Variants in GK5 observed in about 807,000 individuals in gnomAD.
The protein encoded by GK5 is glycerol kinase 5, also known as ATP:glycerol 3-phosphotransferase 5.
GK5 carries 39 observed loss-of-function variants against 77.3 expected under a neutral mutation model. The ratio of observed to expected loss-of-function variants is 0.50; its 90% CI spans 0.39 to 0.66. GK5 has a LOEUF of 0.66. Among genes scored for constraint, GK5 ranks in the 30% least tolerant of loss-of-function variants. The pLI is 0.00. For missense variants in GK5, 487 were observed against 633.8 expected (o/e 0.77, Z 2.49); for synonymous variants, 211 against 208.0 (o/e 1.01, Z -0.13).
chr3:142,210,801 C>T (rs1577146649), intron 3 of GK5, among the ~76,000 whole-genome samples: 1 of 152,248 alleles, frequency 6.6e-6, no homozygotes, highest in Admixed American at 6.5e-5. Flanking sequence ...AAAAACTCTG[C>T]TTCCTAATAT....
At chr3:142,212,923 C>T (rs2064213029) in intron 3 of GK5, among the ~76,000 whole-genome samples, 1 of 150,228 alleles carries the variant, frequency 6.7e-6, no homozygotes, top group Admixed American at 6.6e-5. Flanking sequence ...AGGCTCCGCC[C>T]CCTGGGGTTC....
rs1025248743 is a variant in GK5 at position 142,158,703 on chromosome 3, C to T, written c.*6919G>A. On this transcript the variant is annotated 3_prime_UTR_variant, in exon 16 of 16. Coordinates refer to ENST00000392993, the MANE Select transcript of GK5 (RefSeq NM_001039547.3). ...TGGAATCTACATTTACCATCTTGTA[C>T]AAATAGGAAAGTTTCTAATAACTTA... 1 of 152,480 alleles carries T rather than the reference C, an allele frequency of 6.6e-6. No homozygotes were observed. The highest frequency in any genetic ancestry group is 2.4e-5 in the African/African-American group (1 of 41,412). 9.4% of individuals were successfully genotyped at this position (152,480 alleles called of 1,614,324 possible). A position where few individuals can be genotyped will look rare whatever the true frequency, so the allele number is the denominator to read the frequency against.
chr3:142,179,607 A>G (rs902800062), intron 11 of GK5, among the ~76,000 whole-genome samples: 3 of 152,252 alleles, frequency 2.0e-5, no homozygotes, highest in Non-Finnish European at 2.9e-5. Flanking sequence ...AAAACATACT[A>G]GACAGTTGGT....
At chr3:142,181,780 C>T (rs2063700537) in intron 10 of GK5, among the ~76,000 whole-genome samples, 1 of 152,180 alleles carries the variant, frequency 6.6e-6, no homozygotes, top group Non-Finnish European at 1.5e-5. Context: ...AAACGGCCTA[C>T]CTCAGAGAGC....
chr3:142,165,677 A>G lies in GK5; in HGVS notation c.1535T>C (p.Leu512Pro). ...TTTCACTGCTTTGGCCCAGTTTTCC[A>G]GACTCATTTCATATTCTTGACATTT... is the stretch of plus-strand genomic sequence containing the variant. ...QKKCQEYEMS[L>P]ENWAKAVKRS... Residue 512 changes from leucine (L) to proline (P), a missense_variant, in exon 16 of 16, where the codon CTG becomes CCG. Coordinates refer to ENST00000392993, the MANE Select transcript of GK5 (RefSeq NM_001039547.3). The G allele has an allele frequency of 1.2e-6, 2 of 1,613,290 alleles. No homozygotes were observed. The highest frequency in any genetic ancestry group is 1.7e-6 in the Non-Finnish European group (2 of 1,179,610).
In GK5 at chr3:142,186,453, T is replaced by C; in HGVS notation, c.680A>G (p.Lys227Arg). ...ASTTGLFDPY[K>R]MCWSGMITSL... ...AAAAGAAGAAAAAAAAATTTTTACC[T>C]TATATGGGTCAAAAAGTCCAGTTGT... The change falls in exon 7 of 16, where the codon AAG (lysine) becomes AGG (arginine). Residue 227 changes from lysine (K) to arginine (R), a missense_variant and splice_region_variant. Lys to Arg is a conservative substitution (Grantham distance 26, BLOSUM62 2). This residue lies in a region of GK5 where 323 missense variants were observed against 437.4 expected (regional missense o/e 0.74). Coordinates refer to ENST00000392993, the MANE Select transcript of GK5 (RefSeq NM_001039547.3). 1 of 1,539,160 alleles carries C rather than the reference T, an allele frequency of 6.5e-7. No individual in the cohort carries two copies. Among genetic ancestry groups the C allele is most frequent in the Non-Finnish European group, 8.8e-7 (1 of 1,136,378 alleles).
At position 142,225,580 on chromosome 3, in the gene GK5, A is replaced by T; in HGVS notation, c.-125T>A. ...CCCGGCTCAGCCGGAGAGCCTAGAG[A>T]GGCCTGGCCCCTGCCGCCGGCTCCA... On this transcript the variant is annotated 5_prime_UTR_variant, in exon 1 of 16. Coordinates refer to ENST00000392993, the MANE Select transcript of GK5 (RefSeq NM_001039547.3). 4.1e-6 allele frequency: 5 copies of T among 1,220,634 alleles called. No homozygotes were observed. In the South Asian group the frequency reaches 8.3e-5, roughly 20 times the overall value. 75.6% of individuals were successfully genotyped at this position (1,220,634 alleles called of 1,614,324 possible). A position where few individuals can be genotyped will look rare whatever the true frequency, so the allele number is the denominator to read the frequency against.
At chr3:142,223,477 C>T (rs369950683) in intron 1 of GK5, among the ~76,000 whole-genome samples, 69 of 152,170 alleles carry the variant, frequency 4.5e-4, no homozygotes, top group African/African-American at 1.4e-3. Context: ...GGGCAGTGTT[C>T]CCACACAGCT....
intron 5 of GK5, among the ~76,000 whole-genome samples, chr3:142,190,715 G>A (rs2063836859): frequency 6.6e-6 from 1 of 152,166 alleles, no homozygotes; most frequent in Non-Finnish European, 1.5e-5. Context: ...ACAAAGGATA[G>A]CACCCCAAAG....
intron 9 of GK5, among the ~76,000 whole-genome samples, chr3:142,184,260 CAAAAAAAA>C (rs1161704184): frequency 7.5e-4 from 8 of 10,678 alleles, no homozygotes; most frequent in Admixed American, 1.2e-3. Flanking sequence ...GACTCTGTCT[CAAAAAAAA>C]AAAAAAAAAA....
intron 3 of GK5, among the ~76,000 whole-genome samples, chr3:142,205,715 C>A (rs2064095710): frequency 6.6e-6 from 1 of 152,112 alleles, no homozygotes; most frequent in Non-Finnish European, 1.5e-5. Context: ...TGCCATTGCA[C>A]TCTCTAATAC....
At chr3:142,177,459 C>A (rs764497163) in intron 12 of GK5, 23 bp downstream of exon 12, 38 of 1,310,280 alleles carry the variant, frequency 2.9e-5, no homozygotes, top group Non-Finnish European at 4.0e-5. Flanking sequence ...TTGTGATTGC[C>A]ATTAACTTTA....
intron 12 of GK5, 55 bp downstream of exon 12, chr3:142,177,427 T>A: frequency 1.0e-6 from 1 of 953,904 alleles, no homozygotes; most frequent in East Asian, 2.4e-5. Context: ...TAAGTTTGGA[T>A]GTGGCAGGAG....
intron 2 of GK5, among the ~76,000 whole-genome samples, chr3:142,215,062 G>C (rs1351650748): frequency 6.6e-6 from 1 of 152,160 alleles, no homozygotes; most frequent in Admixed American, 6.5e-5. Context: ...AGTAATCTTT[G>C]CCATGTTCTC....
chr3:142,191,320 G>A (rs1024709219), intron 5 of GK5, among the ~76,000 whole-genome samples: 2 of 151,844 alleles, frequency 1.3e-5, no homozygotes, highest in East Asian at 1.9e-4. Context: ...GAGCCACTGC[G>A]CCCGGCAAGA....
At chr3:142,195,811 T>C (rs942569477) in intron 5 of GK5, among the ~76,000 whole-genome samples, 3 of 152,244 alleles carry the variant, frequency 2.0e-5, no homozygotes, top group Non-Finnish European at 2.9e-5. Flanking sequence ...ACTCCAATAA[T>C]GGAAGTATAG....
chr3:142,186,187 T>C lies in GK5; in HGVS notation c.755+7A>G. The C allele has an allele frequency of 1.3e-6, 2 of 1,535,658 alleles. No homozygotes were observed. The highest frequency in any genetic ancestry group is 1.8e-6 in the Non-Finnish European group (2 of 1,110,032). The stretch of plus-strand genomic sequence containing the variant: ...TGCTGGTTACTATGTCTGATGTTTA[T>C]TATTACCTTGTGTCCCTCACAGGAG... On this transcript the variant is annotated splice_region_variant and intron_variant, in intron 8 of 15. Transcript: ENST00000392993.
At chr3:142,200,939 T>C (rs2064012110) in intron 4 of GK5, among the ~76,000 whole-genome samples, 1 of 152,208 alleles carries the variant, frequency 6.6e-6, no homozygotes, top group South Asian at 2.1e-4. Context: ...AATAAGATGA[T>C]TTAAGAAGAC....
chr3:142,225,556 C>G lies in GK5; in HGVS notation c.-101G>C, dbSNP rs1036499917. The G allele has an allele frequency of 1.8e-5, 25 of 1,424,902 alleles. No homozygotes were observed. The highest frequency in any genetic ancestry group is 2.2e-5 in the Non-Finnish European group (23 of 1,069,756). The allele number at this position is 1,424,902 out of a possible 1,614,324, so 88.3% of individuals were successfully genotyped here. Reference sequence around the variant, plus strand: ...CGGGCGGCCCAACCCGGGCCCCAACCCGGCTCAGCCGGAGAGCCTAGAGAG... The same window carrying G: ...CGGGCGGCCCAACCCGGGCCCCAACGCGGCTCAGCCGGAGAGCCTAGAGAG... On this transcript the variant is annotated 5_prime_UTR_variant, in exon 1 of 16. Coordinates refer to ENST00000392993, the MANE Select transcript of GK5 (RefSeq NM_001039547.3).
Sources: allele counts gnomAD v4.1 joint callset (sites outside exome capture counted in the v4.1 genomes callset), GRCh38; gene constraint gnomAD v4.1.1; regional missense constraint gnomAD v4.1.1; transcripts MANE v1.5; gene names NCBI Gene and HGNC (gene_info 2026-07-23, HGNC 2026-07-21).